Variants in HEXA observed in about 807,000 individuals in gnomAD.
HEXA encodes the protein hexosaminidase subunit alpha, also known as beta-hexosaminidase subunit alpha.
In HEXA, 54 loss-of-function variants were observed where a neutral mutation model predicts 73.3. That is an observed-to-expected ratio of 0.74 (90% CI 0.59 to 0.92). The LOEUF (loss-of-function observed/expected upper bound fraction) is 0.92. Ranked by LOEUF, HEXA falls within the 40% of genes least tolerant of loss-of-function variation. The probability of loss-of-function intolerance (pLI) is 0.00; values close to 1 mark genes in which losing one functional copy is unlikely to be tolerated. For missense variants in HEXA, 649 were observed against 653.0 expected (o/e 0.99, Z 0.07); for synonymous variants, 230 against 246.9 (o/e 0.93, Z 0.64).
chr15:72,363,358 G>A (rs1228474358), intron 1 of HEXA, among the ~76,000 whole-genome samples: 2 of 152,172 alleles, frequency 1.3e-5, no homozygotes, highest in African/African-American at 2.4e-5. Flanking sequence ...TAATAGCCAC[G>A]TCCAGGAAAG....
chr15:72,350,223 G>C (rs370900539), intron 7 of HEXA: 1 of 428,276 alleles, frequency 2.3e-6, no homozygotes, highest in Non-Finnish European at 4.4e-6. Flanking sequence ...CTTTCTTTCA[G>C]ATTCTACCCT....
At chr15:72,367,370 C>G (rs1275433704) in intron 1 of HEXA, among the ~76,000 whole-genome samples, 2 of 152,168 alleles carry the variant, frequency 1.3e-5, no homozygotes, top group Non-Finnish European at 2.9e-5. Context: ...TCCTCAGCAC[C>G]CTTTCCCTCC....
chr15:72,348,283 T>C, intron 8 of HEXA, 149 bp from the exon 9 acceptor site: 1 of 693,704 alleles, frequency 1.4e-6, no homozygotes, highest in Admixed American at 2.1e-5. Flanking sequence ...GTGGAAAGTG[T>C]GGCCAAGCAA....
chr15:72,347,418 G>A (rs1002257596), intron 10 of HEXA, among the ~76,000 whole-genome samples: 7 of 151,622 alleles, frequency 4.6e-5, no homozygotes, highest in Admixed American at 1.3e-4. Context: ...TTTTTGTAGA[G>A]ATGAGGGTTT....
chr15:72,345,530 G>A lies in HEXA; in HGVS notation c.1442C>T (p.Ala481Val). ...PRLWPRAGAV[A>V]ERLWSNKLTS... ...CAACTTGTTGCTCCACAGCCTTTCG[G>A]CAACAGCCCCTGCTCTGGGCCTGGA... The change falls in exon 13 of 14, where the codon GCC (alanine) becomes GTC (valine). Residue 481 changes from alanine (A) to valine (V), a missense_variant. By Grantham distance (64) the Ala-to-Val change is moderately conservative (BLOSUM62 0). Transcript: ENST00000268097. The A allele has an allele frequency of 1.2e-6, 2 of 1,614,218 alleles. No individual in the cohort carries two copies. The highest frequency in any genetic ancestry group is 1.7e-6 in the Non-Finnish European group (2 of 1,180,036).
rs575101779 is a variant in HEXA at position 72,353,647 on chromosome 15, C to A, written c.459+44G>T. ...TAGGATTCTCAATATTGGGATCCAA[C>A]CCCAGAGATGAAAAAGGAGCCCTTT... On this transcript the variant is annotated intron_variant, in intron 4 of 13. Transcript: ENST00000268097. 2.1e-5 allele frequency: 31 copies of A among 1,481,690 alleles called. No homozygotes were observed. The African/African-American group carries it at 4.1e-4, about 20-fold the overall frequency. 91.8% of individuals were successfully genotyped at this position (1,481,690 alleles called of 1,614,324 possible).
chr15:72,364,309 A>G (rs186683578), intron 1 of HEXA, among the ~76,000 whole-genome samples: 28 of 152,182 alleles, frequency 1.8e-4, no homozygotes, highest in Admixed American at 1.0e-3. Context: ...AGAAAAAAAA[A>G]ATGGGATCCT....
intron 5 of HEXA, 144 bp from the exon 6 acceptor site, chr15:72,351,378 G>A: frequency 8.5e-6 from 6 of 704,656 alleles, no homozygotes; most frequent in Non-Finnish European, 1.3e-5. Flanking sequence ...TATTTATGGG[G>A]TCTATCAAAC....
In HEXA at chr15:72,342,981, G is replaced by C. The variant is rs1371258369; in HGVS notation, c.*1096C>G. 1 of 152,404 alleles carries C rather than the reference G, an allele frequency of 6.6e-6. No homozygotes were observed. Among genetic ancestry groups the C allele is most frequent in the Admixed American group, 6.5e-5 (1 of 15,308 alleles). 9.4% of individuals were successfully genotyped at this position (152,404 alleles called of 1,614,324 possible). A position where few individuals can be genotyped will look rare whatever the true frequency, so the allele number is the denominator to read the frequency against. On this transcript the variant is annotated 3_prime_UTR_variant, in exon 14 of 14. Coordinates refer to ENST00000268097, the MANE Select transcript of HEXA (RefSeq NM_000520.6). The stretch of plus-strand genomic sequence containing the variant: ...TCACGCCTGTAATCCCAGCACTTTG[G>C]GAGGCCAAGGCGGGCGGATCACGAG...
At chr15:72,350,744 GA>G in intron 6 of HEXA, 94 bp from the exon 7 acceptor site, 1 of 1,437,568 alleles carries the variant, frequency 7.0e-7, no homozygotes, top group Non-Finnish European at 9.7e-7. Flanking sequence ...CCAGATATCA[GA>G]AAACCTGCCC....
intron 1 of HEXA, chr15:72,370,377 A>T (rs1247774664): frequency 2.2e-5 from 8 of 363,220 alleles, no homozygotes; most frequent in Non-Finnish European, 2.9e-5. Flanking sequence ...ACTCAGTACT[A>T]TACAGGGATA....
chr15:72,369,076 T>C (rs1312731677), intron 1 of HEXA, among the ~76,000 whole-genome samples: 1 of 152,264 alleles, frequency 6.6e-6, no homozygotes, highest in Non-Finnish European at 1.5e-5. Flanking sequence ...AGCCTCAAGA[T>C]GTGGACACAA....
At chr15:72,366,335 GTCC>G (rs1410895462) in intron 1 of HEXA, among the ~76,000 whole-genome samples, 4 of 149,740 alleles carry the variant, frequency 2.7e-5, no homozygotes, top group East Asian at 1.9e-4. Flanking sequence ...TTGAGATGGA[GTCC>G]TCCTCTGTTG....
intron 4 of HEXA, among the ~76,000 whole-genome samples, chr15:72,353,472 T>C (rs911894955): frequency 3.3e-5 from 5 of 152,148 alleles, no homozygotes; most frequent in Non-Finnish European, 5.9e-5. Flanking sequence ...GGCCTCAAGG[T>C]CATTACTAAA....
At chr15:72,372,138 G>A (rs1304465195) in intron 1 of HEXA, among the ~76,000 whole-genome samples, 3 of 152,224 alleles carry the variant, frequency 2.0e-5, no homozygotes, top group Admixed American at 2.0e-4. Context: ...TTCGAGACCA[G>A]TCTGGCCAAC....
At chr15:72,365,192 C>A (rs2088900632) in intron 1 of HEXA, among the ~76,000 whole-genome samples, 1 of 152,112 alleles carries the variant, frequency 6.6e-6, no homozygotes, top group South Asian at 2.1e-4. Flanking sequence ...CAGGTTCATG[C>A]CATTCTCCTG....
chr15:72,354,545 T>G (rs992564702), intron 3 of HEXA: 16 of 152,446 alleles, frequency 1.0e-4, no homozygotes, highest in African/African-American at 3.6e-4. Context: ...AGACTGCTAG[T>G]GTACTGTTTT....
At chr15:72,360,011 T>G (rs1195854481) in intron 1 of HEXA, 1 of 152,448 alleles carries the variant, frequency 6.6e-6, no homozygotes, top group Admixed American at 6.5e-5. Context: ...TCCATTTCCC[T>G]TCTGTTCTCA....
chr15:72,359,101 G>C (rs1449354767), intron 1 of HEXA: 1 of 152,222 alleles, frequency 6.6e-6, no homozygotes, highest in East Asian at 1.9e-4. Context: ...ATGAAAAACA[G>C]ACCAGAGGGC....
Sources: gnomAD v4.1 joint callset for allele counts (sites outside exome capture counted in the v4.1 genomes callset) on GRCh38, gnomAD v4.1.1 for gene constraint, MANE v1.5 for transcripts, NCBI Gene and HGNC (gene_info 2026-07-23, HGNC 2026-07-21) for gene names.